Variants in HMGCLL1 observed in about 807,000 individuals in gnomAD.
The protein encoded by HMGCLL1 is 3-hydroxy-3-methylglutaryl-CoA lyase like 1.
In HMGCLL1, 36 loss-of-function variants were observed where a neutral mutation model predicts 39.1. The observed-to-expected ratio is 0.92, with a 90% CI of 0.71 to 1.22. The LOEUF (loss-of-function observed/expected upper bound fraction) is 1.22. Ranked by LOEUF, HMGCLL1 falls within the 50% of genes most tolerant of loss-of-function variation. The probability of loss-of-function intolerance (pLI) is 0.00; values close to 1 mark genes in which losing one functional copy is unlikely to be tolerated. For missense variants in HMGCLL1, 451 were observed against 416.5 expected (o/e 1.08, Z -0.72); for synonymous variants, 149 against 144.0 (o/e 1.03, Z -0.25).
At chr6:55,490,592 T>A (rs1383264282) in intron 7 of HMGCLL1, among the ~76,000 whole-genome samples, 1 of 152,158 alleles carries the variant, frequency 6.6e-6, no homozygotes, top group Non-Finnish European at 1.5e-5. Context: ...CTAAGTATAG[T>A]CTGTTGCATG....
At chr6:55,457,434 C>G (rs960409352) in intron 7 of HMGCLL1, among the ~76,000 whole-genome samples, 1 of 152,122 alleles carries the variant, frequency 6.6e-6, no homozygotes, top group Non-Finnish European at 1.5e-5. Context: ...TCCCTCCCCC[C>G]ACATTTATTC....
At chr6:55,587,041 A>T in the HMGCLL1 span, among the ~76,000 whole-genome samples, 1 of 152,176 alleles carries the variant, frequency 6.6e-6, no homozygotes, top group East Asian at 1.9e-4. Context: ...ATTTCTCCAC[A>T]TCCTCTCCAG....
At chr6:55,604,815 C>G in the HMGCLL1 span, among the ~76,000 whole-genome samples, 1 of 152,074 alleles carries the variant, frequency 6.6e-6, no homozygotes, top group South Asian at 2.1e-4. Flanking sequence ...TTCATAATCC[C>G]CAACATTCAC....
chr6:55,647,379 A>G, the HMGCLL1 span, among the ~76,000 whole-genome samples: 1 of 151,984 alleles, frequency 6.6e-6, no homozygotes, highest in African/African-American at 2.4e-5. Context: ...TGAAGAGTTT[A>G]GTCCATTTAA....
chr6:55,651,162 C>G, the HMGCLL1 span, among the ~76,000 whole-genome samples: 3 of 152,148 alleles, frequency 2.0e-5, no homozygotes, highest in Non-Finnish European at 4.4e-5. Flanking sequence ...TCCCCTAAAG[C>G]CAGCATGTGT....
At chr6:55,436,044 G>C (rs1410187797) in intron 8 of HMGCLL1, among the ~76,000 whole-genome samples, 1 of 151,786 alleles carries the variant, frequency 6.6e-6, no homozygotes, top group East Asian at 1.9e-4. Context: ...CTGGTATCTA[G>C]AGTCTAGGAA....
intron 7 of HMGCLL1, among the ~76,000 whole-genome samples, chr6:55,477,150 A>G (rs1765339262): frequency 1.6e-5 from 1 of 63,084 alleles, no homozygotes; most frequent in Admixed American, 3.0e-4. Flanking sequence ...TATAATATAT[A>G]TATTATATAT....
intron 1 of HMGCLL1, among the ~76,000 whole-genome samples, chr6:55,548,571 G>C (rs1770125037): frequency 6.6e-6 from 1 of 151,938 alleles, no homozygotes; most frequent in African/African-American, 2.4e-5. Context: ...TTTTTAAAAT[G>C]AGGTTTTTAG....
chr6:55,641,152 AC>A, the HMGCLL1 span, among the ~76,000 whole-genome samples: 3 of 151,844 alleles, frequency 2.0e-5, no homozygotes, highest in Admixed American at 2.0e-4. Context: ...GTAAAAAAAA[AC>A]AGTAACAAAA....
At chr6:55,641,142 G>GT in the HMGCLL1 span, among the ~76,000 whole-genome samples, 1 of 150,416 alleles carries the variant, frequency 6.6e-6, no homozygotes, top group Non-Finnish European at 1.5e-5. Flanking sequence ...TAAATTTTTG[G>GT]TAAAAAAAAA....
chr6:55,455,145 G>A (rs1389697341), intron 7 of HMGCLL1, among the ~76,000 whole-genome samples: 1 of 151,926 alleles, frequency 6.6e-6, no homozygotes, highest in South Asian at 2.1e-4. Flanking sequence ...AATATTTTAT[G>A]ATATTACTTA....
chr6:55,550,319 C>T (rs996944181), intron 1 of HMGCLL1, among the ~76,000 whole-genome samples: 2 of 151,920 alleles, frequency 1.3e-5, no homozygotes, highest in Non-Finnish European at 2.9e-5. Flanking sequence ...TGGCATTTCA[C>T]TGGGCCCCTT....
intron 7 of HMGCLL1, among the ~76,000 whole-genome samples, chr6:55,458,488 G>T (rs1764423128): frequency 6.6e-6 from 1 of 152,164 alleles, no homozygotes; most frequent in African/African-American, 2.4e-5. Context: ...TGAACGAAGT[G>T]GGAGGTTAAC....
chr6:55,577,059 G>A (rs755485353), intron 1 of HMGCLL1: 72 of 1,613,484 alleles, frequency 4.5e-5, no homozygotes, highest in Non-Finnish European at 5.9e-5. Flanking sequence ...AGATAGTGAT[G>A]GGGCATCTGG....
intron 7 of HMGCLL1, among the ~76,000 whole-genome samples, chr6:55,457,433 C>A (rs1349654266): frequency 6.6e-6 from 1 of 152,104 alleles, no homozygotes; most frequent in Non-Finnish European, 1.5e-5. Context: ...TTCCCTCCCC[C>A]CACATTTATT....
In HMGCLL1 at chr6:55,486,199, A is replaced by G. The variant is rs78019366; in HGVS notation, c.795+9220T>C. ...CATGTTTCCTCTGTGTGGTAGAATT[A>G]CAAGTAAGTATTTTTTGTGATTTTC... On this transcript the variant is annotated intron_variant, in intron 7 of 8. Coordinates refer to ENST00000274901, the MANE Select transcript of HMGCLL1 (RefSeq NM_001042406.2). 2.1e-3 allele frequency among the ~76,000 whole-genome samples: 319 copies of G among 151,470 alleles called. 2 individuals carry two copies. Among genetic ancestry groups the G allele is most frequent in the East Asian group, 7.0e-3 (36 of 5,148 alleles).
intron 3 of HMGCLL1, among the ~76,000 whole-genome samples, chr6:55,532,872 C>A (rs927152562): frequency 6.7e-6 from 1 of 149,772 alleles, no homozygotes; most frequent in Non-Finnish European, 1.5e-5. Flanking sequence ...ACCATCCCAA[C>A]AAAAACAGTG....
the HMGCLL1 span, among the ~76,000 whole-genome samples, chr6:55,671,014 G>C: frequency 6.6e-6 from 1 of 151,678 alleles, no homozygotes; most frequent in South Asian, 2.1e-4. Flanking sequence ...AGGCCTTAGA[G>C]AAAAGAAAAT....
the HMGCLL1 span, among the ~76,000 whole-genome samples, chr6:55,644,406 G>C: frequency 1.3e-5 from 2 of 151,788 alleles, no homozygotes; most frequent in African/African-American, 4.8e-5. Context: ...CCTTAATATG[G>C]TCCTGTTTGT....
Sources: allele counts gnomAD v4.1 joint callset (sites outside exome capture counted in the v4.1 genomes callset), GRCh38; gene constraint gnomAD v4.1.1; transcripts MANE v1.5; gene names NCBI Gene and HGNC (gene_info 2026-07-23, HGNC 2026-07-21).